The following GGT1 variants were observed in gnomAD, a reference collection of about 807,000 sequenced individuals.
GGT1 encodes glutathione hydrolase 1 proenzyme.
Under a neutral mutation model 56.0 loss-of-function variants are expected in GGT1, and 21 were observed. That is an observed-to-expected ratio of 0.38 (90% CI 0.27 to 0.54). The LOEUF is 0.54. GGT1 is among the 20% of genes least tolerant of loss of function. The pLI is 0.82. For missense variants in GGT1, 466 were observed against 787.0 expected (o/e 0.59, Z 4.88); for synonymous variants, 238 against 342.6 (o/e 0.69, Z 3.37).
At chr22:24,611,486 G>C (rs1299744473) in intron 5 of GGT1, among the ~76,000 whole-genome samples, 2 of 151,788 alleles carry the variant, frequency 1.3e-5, no homozygotes, top group African/African-American at 2.4e-5. Context: ...CTGTTTTGTT[G>C]TTTGGTTGTT....
chr22:24,593,796 A>AAAAAG (rs1555896198), upstream of GGT1, among the ~76,000 whole-genome samples: 1 of 151,672 alleles, frequency 6.6e-6, no homozygotes, highest in Non-Finnish European at 1.5e-5. Context: ...CAAAAAAAAA[A>AAAAAG]AAAAGAAAAG....
intron 1 of GGT1, among the ~76,000 whole-genome samples, chr22:24,596,474 G>A (rs1291890133): frequency 6.6e-6 from 1 of 152,026 alleles, no homozygotes; most frequent in Non-Finnish European, 1.5e-5. Flanking sequence ...CCTTATTTTT[G>A]CAGTGGGGTC....
chr22:24,605,035 T>TATATATAA lies in GGT1; in HGVS notation c.-429+1509_-429+1510insTATATAAA, dbSNP rs1243959617. On this transcript the variant is annotated intron_variant, in intron 1 of 15. Coordinates refer to ENST00000400382, the MANE Select transcript of GGT1 (RefSeq NM_001288833.2). ...GAATCCTGTATGTCATATATATATA[T>TATATATAA]AAAATATGTAATATATTATATATTA... is the stretch of plus-strand genomic sequence containing the variant. Among the ~76,000 whole-genome samples the TATATATAA allele has an allele frequency of 1.9e-4, 16 of 85,458 alleles. 6 individuals carry two copies. The highest frequency in any genetic ancestry group is 1.0e-3 in the African/African-American group (16 of 15,926). 56.1% of individuals were successfully genotyped at this position (85,458 alleles called of 152,430 possible).
chr22:24,585,538 C>CCCACCCTTTTGGATAGACACAG, the GGT1 span: 1 of 321,912 alleles, frequency 3.1e-6, no homozygotes, highest in Non-Finnish European at 5.8e-6. Context: ...TGACCTTTGT[C>CCCACCCTTTTGGATAGACACAG]CCACCCTTTT....
At chr22:24,584,339 GGC>G in the GGT1 span, among the ~76,000 whole-genome samples, 4 of 152,192 alleles carry the variant, frequency 2.6e-5, no homozygotes, top group African/African-American at 9.7e-5. Flanking sequence ...GAGCAGAGCG[GGC>G]CTGAACTGTG....
upstream of GGT1, among the ~76,000 whole-genome samples, chr22:24,602,248 T>C (rs924182746): frequency 1.3e-5 from 2 of 152,098 alleles, no homozygotes; most frequent in African/African-American, 4.8e-5. Flanking sequence ...CAATCCCAGC[T>C]CGGGCTGGAT....
At position 24,623,977 on chromosome 22, in the gene GGT1, C is replaced by T. The variant is rs1157104458; in HGVS notation, c.1020+61C>T. 26 of 1,604,194 alleles carry T rather than the reference C, an allele frequency of 1.6e-5. No individual in the cohort carries two copies. The South Asian group carries it at 2.1e-4, about 13-fold the overall frequency. On this transcript the variant is annotated intron_variant, in intron 11 of 15. Transcript: ENST00000400382. ...GCCTGCCATAGAGGCATCAGGTGGG[C>T]TCCCCAGGGTGGCTACAGCCTCACA...
rs59547304 is a variant in GGT1, at chr22:24,626,534, C to T, written c.1021-898C>T. ...TTTTAATACGTGCACCCATGCTCTT[C>T]AGGTCTGATGAAGTATCCAAAATCA... is the stretch of plus-strand genomic sequence containing the variant. On this transcript the variant is annotated intron_variant, in intron 11 of 15. Transcript: ENST00000400382. Among the ~76,000 whole-genome samples, 343 of 151,550 alleles carry T rather than the reference C, an allele frequency of 2.3e-3. No homozygotes were observed. In the East Asian group the frequency reaches 0.024, roughly 11 times the overall value.
chr22:24,589,362 C>A, the GGT1 span: 1 of 1,128,648 alleles, frequency 8.9e-7, no homozygotes, highest in South Asian at 1.9e-5. Context: ...AGTGAGCACC[C>A]GTCCGCAAGG....
rs756671846 is a variant in GGT1 at position 24,623,212 on chromosome 22, C to T, written c.839C>T (p.Pro280Leu). Reference protein sequence around the residue: ...GDVVLYMPSAPLSGPVLALIL... With the variant: ...GDVVLYMPSALLSGPVLALIL... ...GTGGTGCTGTACATGCCCAGTGCGC[C>T]GCTCAGCGGGCCCGTGCTGGCCCTC... The change falls in exon 10 of 16, where the codon CCG (proline) becomes CTG (leucine). Residue 280 changes from proline (P) to leucine (L), a missense_variant. By Grantham distance (98) the Pro-to-Leu change is moderately conservative (BLOSUM62 -3). Around this residue, in one of 2 missense-constraint regions of GGT1, gnomAD observed 456 missense variants for 716.7 expected, o/e 0.64. Transcript: ENST00000400382. 5.6e-6 allele frequency: 9 copies of T among 1,600,090 alleles called. No individual in the cohort carries two copies. The highest frequency in any genetic ancestry group is 4.5e-5 in the East Asian group (2 of 44,658).
intron 3 of GGT1, 81 bp from the exon 4 acceptor site, chr22:24,610,169 C>A (rs1348242920): frequency 8.8e-6 from 3 of 341,804 alleles, no homozygotes; most frequent in South Asian, 2.2e-5. Flanking sequence ...CCGTGCAAAA[C>A]CCTCTTTGAG....
At chr22:24,590,027 T>C, upstream of GGT1, 1 of 1,436,518 alleles carries the variant, frequency 7.0e-7, no homozygotes, top group Non-Finnish European at 9.2e-7. Flanking sequence ...AGCCAGATGC[T>C]GCTTATGCCC....
At chr22:24,583,819 C>G in the GGT1 span, 3 of 470,786 alleles carry the variant, frequency 6.4e-6, no homozygotes, top group Non-Finnish European at 1.3e-5. Flanking sequence ...GTAGGAATCT[C>G]TCAGTGACAA....
intron 11 of GGT1, among the ~76,000 whole-genome samples, chr22:24,625,218 G>T (rs2047672888): frequency 2.0e-5 from 3 of 152,186 alleles, no homozygotes; most frequent in African/African-American, 7.2e-5. Context: ...GGATGTCGGG[G>T]TGACACAACC....
At chr22:24,605,878 A>T (rs1159648475) in intron 1 of GGT1, among the ~76,000 whole-genome samples, 2 of 48,918 alleles carry the variant, frequency 4.1e-5, no homozygotes, top group African/African-American at 1.9e-4. Flanking sequence ...ATATTATATA[A>T]TATATGATGT....
chr22:24,623,024 C>G lies in GGT1; in HGVS notation c.734-83C>G, dbSNP rs2047529447. On this transcript the variant is annotated intron_variant, in intron 9 of 15. Coordinates refer to ENST00000400382, the MANE Select transcript of GGT1 (RefSeq NM_001288833.2). ...CACCATGGTGCAGCCATGCCTGCCCCCAACACCACTGCTGCAGCTCCATCC... is the reference window on the plus strand; with the variant it reads ...CACCATGGTGCAGCCATGCCTGCCCGCAACACCACTGCTGCAGCTCCATCC... The G allele has an allele frequency of 3.2e-6, 5 of 1,583,328 alleles. No homozygotes were observed. In the African/African-American group the frequency reaches 6.7e-5, roughly 21 times the overall value.
chr22:24,621,553 T>G (rs2047409740), intron 9 of GGT1, among the ~76,000 whole-genome samples: 1 of 123,876 alleles, frequency 8.1e-6, no homozygotes, highest in Non-Finnish European at 1.6e-5. Flanking sequence ...TGGCTGTGGC[T>G]TTCTTCAGGT....
chr22:24,586,367 A>G, the GGT1 span: 12 of 1,613,848 alleles, frequency 7.4e-6, no homozygotes, highest in African/African-American at 1.2e-4. Flanking sequence ...TGAGAGGTCC[A>G]CAGTCTCCCC....
Position 24,620,937 on chromosome 22 carries a change from G to C in GGT1, c.600G>C (p.Lys200Asn), listed in dbSNP as rs749768635. 6.2e-7 allele frequency: 1 copy of C among 1,612,024 alleles called. No homozygotes were observed. The highest frequency in any genetic ancestry group is 1.1e-5 in the South Asian group (1 of 90,994). Residue 200 changes from lysine (K) to asparagine (N), a missense_variant, in exon 9 of 16, where the codon AAG (lysine) becomes AAC (asparagine). By Grantham distance (94) the Lys-to-Asn change is moderately conservative (BLOSUM62 0). Around this residue, in one of 2 missense-constraint regions of GGT1, gnomAD observed 456 missense variants for 716.7 expected, o/e 0.64. Coordinates refer to ENST00000400382, the MANE Select transcript of GGT1 (RefSeq NM_001288833.2). This position sits in a 1 kb window ranked among gnomAD's most constrained non-coding sequence, Gnocchi z 5.6. ...VLCEVFCRDR[K>N]VLREGERLTL... ...GTGAGGTGTTCTGCCGGGATAGAAA[G>C]GTGCTTCGGGAGGGGGAGAGACTGA... is the stretch of plus-strand genomic sequence containing the variant.
Sources: allele counts gnomAD v4.1 joint callset (sites outside exome capture counted in the v4.1 genomes callset), GRCh38; gene constraint gnomAD v4.1.1; regional missense constraint gnomAD v4.1.1; non-coding constraint Gnocchi (gnomAD v3.1); transcripts MANE v1.5; gene names NCBI Gene and HGNC (gene_info 2026-07-23, HGNC 2026-07-21).